The following TTN variants were observed in gnomAD, a reference collection of about 807,000 sequenced individuals.
TTN encodes the protein connectin.
A neutral mutation model predicts 3,223.0 loss-of-function variants in TTN; 1,525 were observed. The ratio of observed to expected loss-of-function variants is 0.47; its 90% CI spans 0.45 to 0.49. The LOEUF (loss-of-function observed/expected upper bound fraction) is 0.49. TTN is among the 20% of genes least tolerant of loss of function. The pLI is 0.00. For missense variants in TTN, 40,786 were observed against 43,424.0 expected (o/e 0.94, Z 5.40); for synonymous variants, 14,094 against 15,161.0 (o/e 0.93, Z 5.17).
intron 90 of TTN, 23 bp from the exon 91 acceptor site, chr2:178,714,596 T>C (rs2077180533): frequency 3.8e-6 from 6 of 1,562,338 alleles, no homozygotes; most frequent in Non-Finnish European, 4.3e-6. Context: ...GAGGAAAGCC[T>C]GGGTTTTAAA....
chr2:178,697,267 C>T, intron 112 of TTN, 99 bp from the exon 113 acceptor site: 1 of 951,518 alleles, frequency 1.1e-6, no homozygotes. Context: ...TTTGTAGGAG[C>T]TATGACTACT....
Position 178,637,187 on chromosome 2 carries a change from A to ATC in TTN, c.40927+181_40927+182insGA, listed in dbSNP as rs1356754460. ...TATATATATATATATATATATATATATATCTCCTTGCATAATACTAAAAGT... is the reference window on the plus strand; with the variant it reads ...TATATATATATATATATATATATATATCTATCTCCTTGCATAATACTAAAAGT... On this transcript the variant is annotated intron_variant, in intron 224 of 362. Transcript: ENST00000589042. 4.1e-4 allele frequency among the ~76,000 whole-genome samples: 51 copies of ATC among 125,298 alleles called. 1 individual carries two copies. The highest frequency in any genetic ancestry group is 1.4e-3 in the African/African-American group (47 of 32,858). 82.2% of individuals were successfully genotyped at this position (125,298 alleles called of 152,430 possible). A position where few individuals can be genotyped will look rare whatever the true frequency, so the allele number is the denominator to read the frequency against.
chr2:178,539,220 T>A lies in TTN; in HGVS notation c.98715A>T (p.Glu32905Asp), dbSNP rs768468641. Residue 32905 changes from glutamate to aspartate, a missense_variant, in exon 353 of 363, where the codon GAA (glutamate) becomes GAT (aspartate). By Grantham distance (45) the Glu-to-Asp change is conservative. Transcript: ENST00000589042. ...CAGAACTCTTGGTTACATCGAGTAC[T>A]TCTGGAGGATTGCTTGGAGGTTCTG... ...NPPEPPSNPP[E>D]VLDVTKSSVS... 4 of 1,613,600 alleles carry A rather than the reference T, an allele frequency of 2.5e-6. No homozygotes were observed.
Position 178,768,764 on chromosome 2 carries a change from T to C in TTN, c.9072A>G (p.Ser3024=), listed in dbSNP as rs1574541857. ...CQMRTKKLTH[S]LNIRNVHFGD... ...CAAAGTGAACATTCCTGATGTTCAG[T>C]GAGTGTGTGAGCTTTTTGGTTCTCA... is the stretch of plus-strand genomic sequence containing the variant. Residue 3024 remains serine, a synonymous_variant, in exon 38 of 363, where the codon TCA becomes TCG. Coordinates refer to ENST00000589042, the MANE Select transcript of TTN (RefSeq NM_001267550.2). 2.5e-6 allele frequency: 4 copies of C among 1,614,118 alleles called. No homozygotes were observed. The East Asian group carries it at 8.9e-5, about 36-fold the overall frequency.
rs2048595130 is a variant in TTN at position 178,584,955 on chromosome 2, G to A, written c.64686C>T (p.Pro21562=). The change falls in exon 310 of 363, where the codon CCC becomes CCT. Residue 21562 remains proline, a synonymous_variant. Transcript: ENST00000589042. ...CAGAAATGTCAAATGGAGGCTGAGGGGGGCCGGGGGCATCTACATGAACCA... is the reference window on the plus strand; with the variant it reads ...CAGAAATGTCAAATGGAGGCTGAGGAGGGCCGGGGGCATCTACATGAACCA... ...IKVVVMDAPG[P]PQPPFDISDI... is the part of the protein sequence containing the mutation. 2.5e-6 allele frequency: 4 copies of A among 1,613,142 alleles called. No individual in the cohort carries two copies. The highest frequency in any genetic ancestry group is 1.7e-5 in the Admixed American group (1 of 59,966).
Position 178,721,974 on chromosome 2 carries a change from G to C in TTN, c.22689C>G (p.Ile7563Met), listed in dbSNP as rs1060500529. The C allele has an allele frequency of 1.9e-6, 3 of 1,613,446 alleles. No homozygotes were observed. The African/African-American group carries it at 4.0e-5, about 22-fold the overall frequency. Residue 7563 changes from isoleucine (I) to methionine (M), a missense_variant, in exon 78 of 363, where the codon ATC becomes ATG. Physicochemically the swap from Ile to Met is conservative, Grantham distance 10. Coordinates refer to ENST00000589042, the MANE Select transcript of TTN (RefSeq NM_001267550.2). The stretch of plus-strand genomic sequence containing the variant: ...AATGAGGAGTGTTTCCCACACATGT[G>C]ATTGTATAGTTTCCTCCAGGACGGA... ...KEIRPGGNYT[I>M]TCVGNTPHLR...
chr2:178,733,567 C>T, intron 53 of TTN, 47 bp downstream of exon 53: 1 of 1,596,486 alleles, frequency 6.3e-7, no homozygotes, highest in South Asian at 1.1e-5. Flanking sequence ...TAGGGTTTCA[C>T]TTTAATTCTA....
Position 178,677,604 on chromosome 2 carries a change from A to C in TTN, c.34291+17T>G. On this transcript the variant is annotated intron_variant, in intron 146 of 362. Transcript: ENST00000589042. ...ACACAAAAGAGGCCTTGATGATTCCAAGAAGAGCTGCTATACCTGGTGCAG... is the reference window on the plus strand; with the variant it reads ...ACACAAAAGAGGCCTTGATGATTCCCAGAAGAGCTGCTATACCTGGTGCAG... 1 of 1,590,770 alleles carries C rather than the reference A, an allele frequency of 6.3e-7. No homozygotes were observed. Among genetic ancestry groups the C allele is most frequent in the South Asian group, 1.2e-5 (1 of 86,764 alleles).
rs751707858 is a variant in TTN, at chr2:178,576,051, T to C, written c.70081A>G (p.Ser23361Gly). 5 of 1,613,432 alleles carry C rather than the reference T, an allele frequency of 3.1e-6. No individual in the cohort carries two copies. Among genetic ancestry groups the C allele is most frequent in the Non-Finnish European group, 4.2e-6 (5 of 1,179,630 alleles). The change falls in exon 326 of 363, where the codon AGT (serine) becomes GGT (glycine). Residue 23361 changes from serine to glycine, a missense_variant. By Grantham distance (56) the Ser-to-Gly change is moderately conservative. Coordinates refer to ENST00000589042, the MANE Select transcript of TTN (RefSeq NM_001267550.2). The surrounding 1 kb of genome is among the most constrained non-coding windows in gnomAD (Gnocchi z 4.3). ...RRTLVVRAGL[S>G]IRIFVPIKGR... ...TTAATTGGCACAAATATCCTAATACTGAGTCCTGCTCTAACAACAAGTGTT... is the reference window on the plus strand; with the variant it reads ...TTAATTGGCACAAATATCCTAATACCGAGTCCTGCTCTAACAACAAGTGTT...
intron 316 of TTN, 68 bp downstream of exon 316, chr2:178,581,431 G>A (rs1438977310): frequency 1.5e-6 from 2 of 1,362,598 alleles, no homozygotes; most frequent in Admixed American, 4.5e-5. Flanking sequence ...ACCTAAGGGA[G>A]TTCTAGTCTC....
In TTN at chr2:178,709,672, T is replaced by C. The variant is rs2076377742; in HGVS notation, c.28647A>G (p.Leu9549=). The part of the protein sequence containing the change: ...NCEITFKNNT[L]VLQVRKAGMN... ...TGCCTGCTTTCCTGACTTGCAGCAC[T>C]AACGTGTTGTTCTTGAATGTTATTT... Residue 9549 remains leucine (L), a synonymous_variant, in exon 99 of 363, where the codon TTA becomes TTG. Coordinates refer to ENST00000589042, the MANE Select transcript of TTN (RefSeq NM_001267550.2). The C allele has an allele frequency of 6.2e-7, 1 of 1,613,964 alleles. No individual in the cohort carries two copies. The highest frequency in any genetic ancestry group is 8.5e-7 in the Non-Finnish European group (1 of 1,179,828).
Position 178,528,986 on chromosome 2 carries a change from C to T in TTN, c.106765G>A (p.Val35589Ile), listed in dbSNP as rs745560169. 6.2e-7 allele frequency: 1 copy of T among 1,613,992 alleles called. No homozygotes were observed. The highest frequency in any genetic ancestry group is 1.3e-5 in the African/African-American group (1 of 75,048). Residue 35589 changes from valine (V) to isoleucine (I), a missense_variant, in exon 360 of 363, where the codon GTC (valine) becomes ATC (isoleucine). Coordinates refer to ENST00000589042, the MANE Select transcript of TTN (RefSeq NM_001267550.2). ...GATGTTTTAGTGATTTCCTCATGGA[C>T]AATGGATTTTTCCAGGGAGGTTGCT... is the stretch of plus-strand genomic sequence containing the variant. ...SAATSLEKSI[V>I]HEEITKTSQA...
Position 178,580,581 on chromosome 2 carries a change from G to C in TTN, c.66798C>G (p.Asp22266Glu). 1 of 1,611,292 alleles carries C rather than the reference G, an allele frequency of 6.2e-7. No homozygotes were observed. The highest frequency in any genetic ancestry group is 8.5e-7 in the Non-Finnish European group (1 of 1,178,928). ...LIPPEGELDA[D>E]LRKTLILRAG... ...CACGTAATATGAGTGTCTTCCTTAA[G>C]TCCGCATCAAGTTCTCCCTCAGGTG... Residue 22266 changes from aspartate (D) to glutamate (E), a missense_variant, in exon 317 of 363, where the codon GAC (aspartate) becomes GAG (glutamate). Asp to Glu is a conservative substitution (Grantham distance 45). Transcript: ENST00000589042.
Position 178,564,024 on chromosome 2 carries a change from G to T in TTN, c.82108C>A (p.Pro27370Thr). ...IPITVKVLDRPGPPEGPLKVT... is the reference protein window; with the variant it reads ...IPITVKVLDRTGPPEGPLKVT... ...TTCAGAGGCCCTTCAGGAGGCCCTG[G>T]CCTGTCAAGTACCTTTACAGTGATG... Residue 27370 changes from proline (P) to threonine (T), a missense_variant, in exon 326 of 363, where the codon CCA becomes ACA. By Grantham distance (38) the Pro-to-Thr change is conservative. Coordinates refer to ENST00000589042, the MANE Select transcript of TTN (RefSeq NM_001267550.2). The T allele has an allele frequency of 3.7e-6, 6 of 1,613,740 alleles. No individual in the cohort carries two copies. Among genetic ancestry groups the T allele is most frequent in the Non-Finnish European group, 5.1e-6 (6 of 1,179,742 alleles).
chr2:178,789,300 T>G, intron 13 of TTN, 60 bp downstream of exon 13: 233 of 1,595,986 alleles, frequency 1.5e-4, no homozygotes, highest in Non-Finnish European at 1.7e-4. Context: ...GAATTTCACA[T>G]GATATGTGGT....
chr2:178,773,046 A>G, intron 33 of TTN, 63 bp downstream of exon 33: 1 of 1,605,950 alleles, frequency 6.2e-7, no homozygotes, highest in South Asian at 1.1e-5. Context: ...GGGGGAAATG[A>G]ATAATAATTT....
In TTN at chr2:178,551,655, T is replaced by C; in HGVS notation, c.91245A>G (p.Lys30415=). ...CTACTGGAGAAACAGCTAAGGTAAA[T>C]TTGCTTGGGTCACTAGGTGAGCTTA... ...AGLSSPSDPS[K]FTLAVSPVDP... is the part of the protein sequence containing the mutation. The change falls in exon 335 of 363, where the codon AAA becomes AAG. Residue 30415 remains lysine, a synonymous_variant. Coordinates refer to ENST00000589042, the MANE Select transcript of TTN (RefSeq NM_001267550.2). The C allele has an allele frequency of 6.3e-7, 1 of 1,591,050 alleles. No homozygotes were observed. Among genetic ancestry groups the C allele is most frequent in the East Asian group, 2.2e-5 (1 of 44,474 alleles).
At position 178,741,115 on chromosome 2, in the gene TTN, AG is replaced by A. The variant is rs1560918374; in HGVS notation, c.12117del (p.Cys4040AlafsTer18). On this transcript the variant is annotated frameshift_variant, in exon 48 of 363. Coordinates refer to ENST00000589042, the MANE Select transcript of TTN (RefSeq NM_001267550.2). LOFTEE classifies it high-confidence loss of function. ...GCCTCTGGTGTGGACTTTGCTTTGC[AG>A]GGGGTATCAGTCATGTCTGTGTCTT... Reference protein sequence around the residue: ...LLEDTDMTDTPCKAKSTPEAP... With the variant: ...LLEDTDMTDTXCKAKSTPEAP... 4 of 1,613,732 alleles carry A rather than the reference AG, an allele frequency of 2.5e-6. No individual in the cohort carries two copies. Among genetic ancestry groups the A allele is most frequent in the East Asian group, 2.2e-5 (1 of 44,872 alleles).
rs765030518 is a variant in TTN, at chr2:178,531,662, T to C, written c.104953A>G (p.Ser34985Gly). Residue 34985 changes from serine to glycine, a missense_variant, in exon 358 of 363, where the codon AGC becomes GGC. Coordinates refer to ENST00000589042, the MANE Select transcript of TTN (RefSeq NM_001267550.2). ...WYHNGVELQE[S>G]SKIHYTNTSG... Reference sequence around the variant, plus strand: ...GTGTTGGTGTAATGAATCTTACTGCTTTCTTGGAGTTCCACACCATTGTGG... The same window carrying C: ...GTGTTGGTGTAATGAATCTTACTGCCTTCTTGGAGTTCCACACCATTGTGG... 2.2e-5 allele frequency: 35 copies of C among 1,613,992 alleles called. No homozygotes were observed. Among genetic ancestry groups the C allele is most frequent in the Non-Finnish European group, 2.8e-5 (33 of 1,179,870 alleles).
Sources: gnomAD v4.1 joint callset for allele counts (sites outside exome capture counted in the v4.1 genomes callset) on GRCh38, gnomAD v4.1.1 for gene constraint, Gnocchi (gnomAD v3.1) non-coding constraint, MANE v1.5 for transcripts, NCBI Gene and HGNC (gene_info 2026-07-23, HGNC 2026-07-21) for gene names.